Variants in BMPR2 observed in about 807,000 individuals in gnomAD.
The protein encoded by BMPR2 is bone morphogenetic protein receptor type-2.
A neutral mutation model predicts 100.8 loss-of-function variants in BMPR2; 29 were observed. The observed-to-expected ratio is 0.29, with a 90% CI of 0.21 to 0.39. BMPR2 has a LOEUF of 0.39. BMPR2 is among the 10% of genes least tolerant of loss of function. The pLI is 1.00. For synonymous variants in BMPR2, 382 were observed against 442.3 expected (o/e 0.86, Z 1.71); for missense variants, 1,011 against 1,274.5 (o/e 0.79, Z 3.15).
Position 202,376,812 on chromosome 2 carries a change from G to A in BMPR2, c.-663G>A. On this transcript the variant is annotated 5_prime_UTR_variant, in exon 1 of 13. Transcript: ENST00000374580. Reference sequence around the variant, plus strand: ...CTACCTCTCCTCAGCCTTCGCCAGGGCCTCCCCAACCCTCTCACGGTTGTT... The same window carrying A: ...CTACCTCTCCTCAGCCTTCGCCAGGACCTCCCCAACCCTCTCACGGTTGTT... 1 of 401,642 alleles carries A rather than the reference G, an allele frequency of 2.5e-6. No homozygotes were observed. The highest frequency in any genetic ancestry group is 4.4e-6 in the Non-Finnish European group (1 of 229,214). 24.9% of individuals were successfully genotyped at this position (401,642 alleles called of 1,614,324 possible).
At chr2:202,465,836 G>A (rs1256175395) in intron 2 of BMPR2, among the ~76,000 whole-genome samples, 2 of 151,956 alleles carry the variant, frequency 1.3e-5, no homozygotes, top group Non-Finnish European at 2.9e-5. Context: ...CTGGGCGACA[G>A]AGCGAGACTC....
intron 3 of BMPR2, among the ~76,000 whole-genome samples, chr2:202,485,543 A>ATTTTTTTTTTTTTTTTT (rs1574472655): frequency 1.7e-3 from 24 of 14,046 alleles, no homozygotes; most frequent in Middle Eastern, 0.083. Context: ...CTTTGCCTTT[A>ATTTTTTTTTTTTTTTTT]TCTTTTTTTT....
chr2:202,425,533 C>A (rs951386630), intron 1 of BMPR2, among the ~76,000 whole-genome samples: 21 of 151,906 alleles, frequency 1.4e-4, no homozygotes, highest in African/African-American at 5.1e-4. Flanking sequence ...AATCTCTGGG[C>A]CGAGATTAAA....
chr2:202,464,659 A>C, intron 1 of BMPR2, 150 bp from the exon 2 acceptor site: 1 of 723,004 alleles, frequency 1.4e-6, no homozygotes, highest in Non-Finnish European at 2.1e-6. Flanking sequence ...GAAGAACGTC[A>C]TTGAATGTAA....
intron 3 of BMPR2, among the ~76,000 whole-genome samples, chr2:202,490,656 G>T (rs752642858): frequency 6.6e-6 from 1 of 152,202 alleles, no homozygotes; most frequent in Non-Finnish European, 1.5e-5. Context: ...TTTCTCCAGT[G>T]CTTCTAAGCA....
chr2:202,496,985 G>A (rs1256096176), intron 3 of BMPR2, among the ~76,000 whole-genome samples: 1 of 152,218 alleles, frequency 6.6e-6, no homozygotes, highest in African/African-American at 2.4e-5. Flanking sequence ...GCATGGGCTT[G>A]GCGGGCCCCG....
At chr2:202,434,513 TC>T in intron 1 of BMPR2, among the ~76,000 whole-genome samples, 1 of 150,518 alleles carries the variant, frequency 6.6e-6, no homozygotes, top group East Asian at 1.9e-4. Flanking sequence ...ATGACAATGC[TC>T]CTGCTCATTC....
chr2:202,551,119 A>G (rs1225242118), intron 10 of BMPR2, among the ~76,000 whole-genome samples: 2 of 151,940 alleles, frequency 1.3e-5, no homozygotes, highest in African/African-American at 4.8e-5. Context: ...CTTTGTATAA[A>G]CATATGGTTT....
intron 1 of BMPR2, among the ~76,000 whole-genome samples, chr2:202,396,695 A>G (rs1331265650): frequency 6.6e-6 from 1 of 152,264 alleles, no homozygotes; most frequent in African/African-American, 2.4e-5. Context: ...TACATGGTAC[A>G]TCAGAGATAT....
chr2:202,394,168 G>A (rs1161780305), intron 1 of BMPR2, among the ~76,000 whole-genome samples: 1 of 152,030 alleles, frequency 6.6e-6, no homozygotes, highest in Non-Finnish European at 1.5e-5. Context: ...TGGCCAACAT[G>A]GTGAAACCCT....
rs1274503464 is a variant in BMPR2 at position 202,497,229 on chromosome 2, G to A, written c.419-16490G>A. On this transcript the variant is annotated intron_variant, in intron 3 of 12. Coordinates refer to ENST00000374580, the MANE Select transcript of BMPR2 (RefSeq NM_001204.7). The stretch of plus-strand genomic sequence containing the variant: ...GCCCCTGTGCGGCCCGAGCCTCCCC[G>A]ATGAGTGCCGCCCCCTGCTCCACGG... Among the ~76,000 whole-genome samples the A allele has an allele frequency of 7.9e-5, 12 of 152,212 alleles. No homozygotes were observed. The South Asian group carries it at 1.2e-3, about 16-fold the overall frequency.
chr2:202,543,494 T>C (rs979456906), intron 10 of BMPR2, among the ~76,000 whole-genome samples: 1 of 151,620 alleles, frequency 6.6e-6, no homozygotes, highest in African/African-American at 2.4e-5. Context: ...TTCTCTCCAT[T>C]TGGTCAGTAT....
Position 202,555,407 on chromosome 2 carries a change from A to G in BMPR2, c.1742A>G (p.Glu581Gly), listed in dbSNP as rs763249213. Residue 581 changes from glutamate to glycine, a missense_variant, in exon 12 of 13, where the codon GAA (glutamate) becomes GGA (glycine). Around this residue, in one of 6 missense-constraint regions of BMPR2, gnomAD observed 508 missense variants for 552.0 expected, o/e 0.92. Coordinates refer to ENST00000374580, the MANE Select transcript of BMPR2 (RefSeq NM_001204.7). ...SMSSTPLTIG[E>G]KNRNSINYER... ...TCCAGCACACCTTTGACTATAGGGG[A>G]AAAAAACCGAAATTCAATTAACTAT... 8 of 1,613,982 alleles carry G rather than the reference A, an allele frequency of 5.0e-6. No homozygotes were observed. The highest frequency in any genetic ancestry group is 6.8e-6 in the Non-Finnish European group (8 of 1,180,020).
chr2:202,456,062 TCAAAAAAAAAAAAAAA>T (rs1692093044), intron 1 of BMPR2, among the ~76,000 whole-genome samples: 1 of 28,204 alleles, frequency 3.5e-5, no homozygotes, highest in Non-Finnish European at 5.8e-5. Flanking sequence ...GAGACCCGTC[TCAAAAAAAAAAAAAAA>T]AAAAAAAAAA....
intron 3 of BMPR2, among the ~76,000 whole-genome samples, chr2:202,471,870 A>T (rs1454841277): frequency 1.3e-5 from 2 of 152,070 alleles, no homozygotes; most frequent in Non-Finnish European, 2.9e-5. Flanking sequence ...GTGTTTAAGA[A>T]TAAAGGACCA....
intron 3 of BMPR2, among the ~76,000 whole-genome samples, chr2:202,486,099 T>TA (rs1046541133): frequency 8.6e-5 from 13 of 151,632 alleles, no homozygotes; most frequent in African/African-American, 2.9e-4. Flanking sequence ...ATATGACAAT[T>TA]AAAAAAAATG....
At chr2:202,472,224 T>C (rs1313279739) in intron 3 of BMPR2, among the ~76,000 whole-genome samples, 1 of 152,208 alleles carries the variant, frequency 6.6e-6, no homozygotes, top group Non-Finnish European at 1.5e-5. Flanking sequence ...CTGAAAGCAA[T>C]AGGAAATTTT....
intron 3 of BMPR2, among the ~76,000 whole-genome samples, chr2:202,492,700 C>CAAAAAAAAAAAAAA (rs1166246933): frequency 5.7e-5 from 3 of 52,808 alleles, no homozygotes; most frequent in African/African-American, 1.7e-4. Context: ...AGCTCTGTCT[C>CAAAAAAAAAAAAAA]AAAAAAAAAA....
intron 1 of BMPR2, among the ~76,000 whole-genome samples, chr2:202,429,096 T>G (rs1373544890): frequency 3.9e-5 from 6 of 152,216 alleles, no homozygotes. Context: ...TGTTTTCCTC[T>G]GCTCCTGCCT....
Sources: gnomAD v4.1 joint callset for allele counts (sites outside exome capture counted in the v4.1 genomes callset) on GRCh38, gnomAD v4.1.1 for gene constraint, gnomAD v4.1.1 regional missense constraint, MANE v1.5 for transcripts, NCBI Gene and HGNC (gene_info 2026-07-23, HGNC 2026-07-21) for gene names.